Variants in NAV3 observed in about 807,000 individuals in gnomAD.
The protein encoded by NAV3 is neuron navigator 3, also known as pore membrane and/or filament interacting like protein 1.
Under a neutral mutation model 244.7 loss-of-function variants are expected in NAV3, and 87 were observed. The ratio of observed to expected loss-of-function variants is 0.36; its 90% confidence interval spans 0.30 to 0.42. The LOEUF (loss-of-function observed/expected upper bound fraction) is 0.42. NAV3 is among the 20% of genes least tolerant of loss of function. NAV3 has a pLI of 1.00. For missense variants in NAV3, 2,663 were observed against 2,893.3 expected (o/e 0.92, Z 1.83); for synonymous variants, 1,126 against 1,042.2 (o/e 1.08, Z -1.55).
intron 3 of NAV3, among the ~76,000 whole-genome samples, chr12:77,950,082 C>T (rs1890732386): frequency 6.6e-6 from 1 of 152,080 alleles, no homozygotes; most frequent in African/African-American, 2.4e-5. Context: ...ATCTTAGTTG[C>T]TTCCAAGTTT....
chr12:77,995,172 C>T (rs1393483843), intron 6 of NAV3, among the ~76,000 whole-genome samples: 1 of 152,166 alleles, frequency 6.6e-6, no homozygotes, highest in East Asian at 1.9e-4. Context: ...CAATTCCTTC[C>T]AAGTCACATA....
chr12:77,924,962 A>T (rs1888049712), intron 1 of NAV3, among the ~76,000 whole-genome samples: 1 of 151,934 alleles, frequency 6.6e-6, no homozygotes, highest in African/African-American at 2.4e-5. Flanking sequence ...AGCATGAAAG[A>T]CAAGACTCAA....
At chr12:78,113,829 A>G (rs1284991278) in intron 12 of NAV3, among the ~76,000 whole-genome samples, 2 of 152,162 alleles carry the variant, frequency 1.3e-5, no homozygotes, top group Admixed American at 6.5e-5. Context: ...TTTCTTTTCT[A>G]TGGCATCATC....
intron 16 of NAV3, among the ~76,000 whole-genome samples, chr12:78,122,674 T>C (rs1311985000): frequency 2.0e-5 from 3 of 152,212 alleles, no homozygotes; most frequent in Non-Finnish European, 2.9e-5. Context: ...GTAGGCAATG[T>C]GAATAAAATT....
intron 2 of NAV3, among the ~76,000 whole-genome samples, chr12:77,647,281 C>T (rs1460350370): frequency 6.6e-6 from 1 of 152,026 alleles, no homozygotes; most frequent in Non-Finnish European, 1.5e-5. Flanking sequence ...AGTAACATTT[C>T]TTGGTAAAAG....
intron 2 of NAV3, among the ~76,000 whole-genome samples, chr12:77,761,934 C>T (rs1402475814): frequency 6.6e-6 from 1 of 152,260 alleles, no homozygotes; most frequent in Non-Finnish European, 1.5e-5. Flanking sequence ...TGGGTATATA[C>T]CCAAAGGATC....
At chr12:77,869,996 A>C (rs1463062523) in intron 1 of NAV3, among the ~76,000 whole-genome samples, 1 of 152,164 alleles carries the variant, frequency 6.6e-6, no homozygotes, top group Non-Finnish European at 1.5e-5. Context: ...ACTCAACTCA[A>C]ATTTTATGTC....
At chr12:78,019,624 A>G (rs1009583911) in intron 8 of NAV3, among the ~76,000 whole-genome samples, 1 of 152,150 alleles carries the variant, frequency 6.6e-6, no homozygotes, top group African/African-American at 2.4e-5. Flanking sequence ...GAAGGAATCA[A>G]CTGGATGAAG....
At chr12:78,153,556 C>T (rs1250311397) in intron 22 of NAV3, among the ~76,000 whole-genome samples, 1 of 152,032 alleles carries the variant, frequency 6.6e-6, no homozygotes, top group Non-Finnish European at 1.5e-5. Context: ...CTCGCCCACA[C>T]CTTAAGGCAG....
intron 3 of NAV3, among the ~76,000 whole-genome samples, chr12:77,952,875 AAAT>A (rs1208111408): frequency 6.6e-6 from 1 of 152,158 alleles, no homozygotes; most frequent in Admixed American, 6.6e-5. Flanking sequence ...TGAATTTGGC[AAAT>A]AATAAGTTGT....
Position 77,750,842 on chromosome 12 carries a change from C to T in NAV3, c.72+178576C>T, listed in dbSNP as rs12305728. Reference sequence around the variant, plus strand: ...AATTTAAGAAAGGCAGAATGTAGCACTCACAGCAAGTGATAATCAATTTTC... The same window carrying T: ...AATTTAAGAAAGGCAGAATGTAGCATTCACAGCAAGTGATAATCAATTTTC... On this transcript the variant is annotated intron_variant, in intron 2 of 8. Transcript: ENST00000550042. 8.3e-3 allele frequency among the ~76,000 whole-genome samples: 1,262 copies of T among 152,272 alleles called. 21 individuals carry two copies. The highest frequency in any genetic ancestry group is 0.029 in the African/African-American group (1,214 of 41,544).
intron 3 of NAV3, chr12:77,947,378 G>A (rs1284837996): frequency 6.7e-6 from 1 of 149,246 alleles, no homozygotes; most frequent in East Asian, 2.0e-4. Flanking sequence ...ATTTTTTTCA[G>A]CTACTGCTTG....
At chr12:77,930,971 C>T (rs1888724880) in intron 1 of NAV3, among the ~76,000 whole-genome samples, 1 of 151,688 alleles carries the variant, frequency 6.6e-6, no homozygotes, top group Admixed American at 6.6e-5. Flanking sequence ...TTCTTTGTGC[C>T]CCACCCTCCT....
At chr12:78,053,318 T>A (rs1182058469) in intron 11 of NAV3, among the ~76,000 whole-genome samples, 1 of 151,974 alleles carries the variant, frequency 6.6e-6, no homozygotes. Flanking sequence ...TTCATGGTAC[T>A]TCTCTTCTAT....
At chr12:77,610,668 A>G (rs554851782) in intron 2 of NAV3, among the ~76,000 whole-genome samples, 1 of 152,206 alleles carries the variant, frequency 6.6e-6, no homozygotes, top group South Asian at 2.1e-4. Flanking sequence ...ATTGACACTC[A>G]GAATTTCAAA....
chr12:77,743,866 T>A (rs978031216), intron 2 of NAV3, among the ~76,000 whole-genome samples: 1 of 151,906 alleles, frequency 6.6e-6, no homozygotes, highest in East Asian at 1.9e-4. Context: ...ATACACTGTT[T>A]GGCATCATCA....
chr12:78,185,958 A>T (rs1958698482), intron 31 of NAV3, among the ~76,000 whole-genome samples: 1 of 151,920 alleles, frequency 6.6e-6, no homozygotes, highest in Admixed American at 6.6e-5. Flanking sequence ...TTTAAAAAAT[A>T]GTTATTTCTT....
chr12:77,584,110 T>C (rs1429134061), intron 2 of NAV3, among the ~76,000 whole-genome samples: 1 of 152,238 alleles, frequency 6.6e-6, no homozygotes, highest in African/African-American at 2.4e-5. Flanking sequence ...TAGCACACTG[T>C]TGTCTGCCTT....
chr12:77,960,686 T>A (rs1001024477), intron 3 of NAV3, among the ~76,000 whole-genome samples: 1 of 147,630 alleles, frequency 6.8e-6, no homozygotes, highest in Non-Finnish European at 1.5e-5. Flanking sequence ...ACATATATAG[T>A]AATATATAAT....
Sources: gnomAD v4.1 joint callset for allele counts (sites outside exome capture counted in the v4.1 genomes callset) on GRCh38, gnomAD v4.1.1 for gene constraint, MANE v1.5 for transcripts, NCBI Gene and HGNC (gene_info 2026-07-23, HGNC 2026-07-21) for gene names.